PDLIM5: variants seen among roughly 807,000 people sequenced by gnomAD.
PDLIM5 encodes the protein PDZ and LIM domain 5, also known as PDZ and LIM domain protein 5.
PDLIM5 carries 34 observed loss-of-function variants against 64.2 expected under a neutral mutation model. The observed-to-expected ratio is 0.53, with a 90% CI of 0.40 to 0.71. The LOEUF (loss-of-function observed/expected upper bound fraction) is 0.71, where lower values mean the gene tolerates loss of function less well. Among genes scored for constraint, PDLIM5 ranks in the 30% least tolerant of loss-of-function variants. The probability of loss-of-function intolerance (pLI) is 0.00; values close to 1 mark genes in which losing one functional copy is unlikely to be tolerated. For missense variants in PDLIM5, 683 were observed against 733.6 expected, an observed-to-expected ratio of 0.93 and a Z score of 0.80; for synonymous variants, 253 against 269.1, an observed-to-expected ratio of 0.94 and a Z score of 0.59.
chr4:94,511,624 C>T (rs1257336479), intron 2 of PDLIM5, among the ~76,000 whole-genome samples: 2 of 150,340 alleles, frequency 1.3e-5, no homozygotes, highest in Non-Finnish European at 3.0e-5. Context: ...CACACACACC[C>T]CTCCACTACA....
At chr4:94,503,950 G>C (rs1321103173) in intron 2 of PDLIM5, among the ~76,000 whole-genome samples, 1 of 152,122 alleles carries the variant, frequency 6.6e-6, no homozygotes, top group African/African-American at 2.4e-5. Context: ...CCCATTTGGA[G>C]TCATTACTAT....
intron 1 of PDLIM5, 52 bp from the exon 2 acceptor site, chr4:94,455,195 T>C (rs1723224114): frequency 4.2e-6 from 3 of 712,882 alleles, no homozygotes; most frequent in Non-Finnish European, 7.5e-6. Flanking sequence ...ATAATTTATG[T>C]TCTAGGGTTT....
At chr4:94,611,100 C>T in intron 7 of PDLIM5, 1 of 1,534,054 alleles carries the variant, frequency 6.5e-7, no homozygotes, top group Non-Finnish European at 8.7e-7. Flanking sequence ...TCACTCACTC[C>T]TGGATGCACT....
rs117650098 is a variant in PDLIM5 at position 94,628,269 on chromosome 4, G to T, written c.1108+10078G>T. 3.9e-4 allele frequency among the ~76,000 whole-genome samples: 60 copies of T among 152,228 alleles called. 1 individual carries two copies. In the East Asian group the frequency reaches 0.012, roughly 29 times the overall value. ...GAAATTTAGTTTTTATGCTAGATGTGCTGCTTCTTCCACCATAAAATAGCT... is the reference window on the plus strand; with the variant it reads ...GAAATTTAGTTTTTATGCTAGATGTTCTGCTTCTTCCACCATAAAATAGCT... On this transcript the variant is annotated intron_variant, in intron 8 of 12. Coordinates refer to ENST00000317968, the MANE Select transcript of PDLIM5 (RefSeq NM_006457.5).
chr4:94,635,370 C>A (rs1033184672), intron 8 of PDLIM5, among the ~76,000 whole-genome samples: 2 of 151,834 alleles, frequency 1.3e-5, no homozygotes, highest in Non-Finnish European at 2.9e-5. Context: ...TTATTCAGTT[C>A]GAAAAAGTCA....
At chr4:94,514,369 T>C (rs561076137) in intron 2 of PDLIM5, among the ~76,000 whole-genome samples, 33 of 152,012 alleles carry the variant, frequency 2.2e-4, no homozygotes, top group Middle Eastern at 3.4e-3. Context: ...CTCCTGACCT[T>C]GTGATCTGCC....
chr4:94,524,230 G>C (rs1157638262), intron 3 of PDLIM5, among the ~76,000 whole-genome samples: 1 of 151,862 alleles, frequency 6.6e-6, no homozygotes, highest in Non-Finnish European at 1.5e-5. Context: ...TTAGCCAGGC[G>C]TGGTGGCGTG....
chr4:94,636,311 G>T (rs1740554224), intron 8 of PDLIM5, among the ~76,000 whole-genome samples: 1 of 151,672 alleles, frequency 6.6e-6, no homozygotes, highest in African/African-American at 2.4e-5. Flanking sequence ...CTTTCTTTGA[G>T]GTCTGATTTT....
chr4:94,452,192 C>G (rs1722913526), intron 1 of PDLIM5, among the ~76,000 whole-genome samples, 197 bp downstream of exon 1: 1 of 152,168 alleles, frequency 6.6e-6, no homozygotes, highest in Admixed American at 6.5e-5. Context: ...GGAAAAGGAG[C>G]GCCCGGAAAA....
At position 94,640,385 on chromosome 4, in the gene PDLIM5, A is replaced by G; in HGVS notation, c.1218A>G (p.Gln406=). 6.2e-7 allele frequency: 1 copy of G among 1,613,194 alleles called. No homozygotes were observed. The highest frequency in any genetic ancestry group is 8.5e-7 in the Non-Finnish European group (1 of 1,179,320). Residue 406 remains glutamine (Q), a synonymous_variant, in exon 9 of 13, where the codon CAA becomes CAG. Transcript: ENST00000317968. ...TQPSDQDTLV[Q]RAEHIPAGKR... ...CAAGTGACCAGGACACTTTAGTGCAAAGAGCTGAGCACATTCCAGCAGGGA... is the reference window on the plus strand; with the variant it reads ...CAAGTGACCAGGACACTTTAGTGCAGAGAGCTGAGCACATTCCAGCAGGGA...
intron 2 of PDLIM5, among the ~76,000 whole-genome samples, chr4:94,494,628 C>T (rs1006906107): frequency 8.8e-5 from 13 of 148,294 alleles, no homozygotes; most frequent in African/African-American, 3.2e-4. Flanking sequence ...TTAATGGAGA[C>T]AGGGTTTTAC....
At chr4:94,663,161 T>G (rs1742876769) in intron 12 of PDLIM5, among the ~76,000 whole-genome samples, 1 of 152,194 alleles carries the variant, frequency 6.6e-6, no homozygotes. Context: ...TGTTCAGGTG[T>G]TTGACTTTTT....
At chr4:94,515,991 CAT>C (rs1389467968) in intron 2 of PDLIM5, among the ~76,000 whole-genome samples, 3 of 152,204 alleles carry the variant, frequency 2.0e-5, no homozygotes, top group Non-Finnish European at 2.9e-5. Flanking sequence ...TGGATTTAGA[CAT>C]ATGTAGATTA....
intron 3 of PDLIM5, among the ~76,000 whole-genome samples, chr4:94,527,038 A>G (rs1730427464): frequency 7.0e-6 from 1 of 142,656 alleles, no homozygotes; most frequent in African/African-American, 2.6e-5. Context: ...CCCGGCCTGA[A>G]CAGCATTCTT....
chr4:94,620,828 C>A (rs550310772), intron 8 of PDLIM5, among the ~76,000 whole-genome samples: 49 of 151,828 alleles, frequency 3.2e-4, no homozygotes, highest in South Asian at 2.7e-3. Context: ...GAGGCTGAGG[C>A]GGGCGGATCA....
chr4:94,456,037 TA>T, intron 2 of PDLIM5: 1 of 1,336,050 alleles, frequency 7.5e-7, no homozygotes, highest in Non-Finnish European at 9.7e-7. Flanking sequence ...GAGGAGTAAT[TA>T]AAGCTTCTAT....
intron 7 of PDLIM5, among the ~76,000 whole-genome samples, chr4:94,589,645 C>A (rs1419550891): frequency 2.0e-5 from 3 of 152,164 alleles, no homozygotes; most frequent in Admixed American, 6.5e-5. Context: ...TACAGACTTT[C>A]TTCATTATAG....
chr4:94,468,691 T>C (rs1391827351), intron 2 of PDLIM5, among the ~76,000 whole-genome samples: 2 of 152,172 alleles, frequency 1.3e-5, no homozygotes, highest in Non-Finnish European at 1.5e-5. Context: ...AGGAAAAACA[T>C]AATTGAGGTG....
chr4:94,487,418 C>T (rs1415869519), intron 2 of PDLIM5, among the ~76,000 whole-genome samples: 1 of 152,160 alleles, frequency 6.6e-6, no homozygotes, highest in Non-Finnish European at 1.5e-5. Context: ...TGATTCAAGA[C>T]CTCTGTCCTC....
Sources: allele counts gnomAD v4.1 joint callset (sites outside exome capture counted in the v4.1 genomes callset), GRCh38; gene constraint gnomAD v4.1.1; transcripts MANE v1.5; gene names NCBI Gene and HGNC (gene_info 2026-07-23, HGNC 2026-07-21).